Variants in RPS25 observed in about 807,000 individuals in gnomAD.
The protein encoded by RPS25 is ribosomal protein S25.
In RPS25, 1 loss-of-function variant was observed where a neutral mutation model predicts 14.4. That is an observed-to-expected ratio of 0.07 (90% CI 0.02 to 0.33). The LOEUF is 0.33. Ranked by LOEUF, RPS25 falls within the 10% of genes least tolerant of loss-of-function variation. RPS25 has a pLI of 1.00. For synonymous variants in RPS25, 63 were observed against 53.8 expected, an observed-to-expected ratio of 1.17 and a Z score of -0.75; for missense variants, 65 against 144.6, an observed-to-expected ratio of 0.45 and a Z score of 2.82.
Position 119,018,305 on chromosome 11 carries a change from A to C in RPS25, c.-21T>G. On this transcript the variant is annotated 5_prime_UTR_variant, in exon 1 of 5. Coordinates refer to ENST00000527673, the MANE Select transcript of RPS25 (RefSeq NM_001028.3). The stretch of plus-strand genomic sequence containing the variant: ...ACCATTGCGAAGCTCGGAGAATAGC[A>C]GCAGACACCGCAGCCTCGTCAAGAT... 1 of 1,614,166 alleles carries C rather than the reference A, an allele frequency of 6.2e-7. No homozygotes were observed. Among genetic ancestry groups the C allele is most frequent in the Non-Finnish European group, 8.5e-7 (1 of 1,180,022 alleles).
chr11:119,017,671 CAAA>C, intron 2 of RPS25, 126 bp from the exon 3 acceptor site: 1 of 898,524 alleles, frequency 1.1e-6, no homozygotes, highest in South Asian at 1.8e-5. Context: ...ATTACTAAAA[CAAA>C]AACAAAAAAA....
chr11:119,018,075 G>A (rs781985588), intron 1 of RPS25, 22 bp from the exon 2 acceptor site: 2 of 1,607,766 alleles, frequency 1.2e-6, no homozygotes, highest in Non-Finnish European at 1.7e-6. Flanking sequence ...CAGCGGGAAT[G>A]CAACCAGGTC....
chr11:119,017,302 G>T (rs781833158), intron 3 of RPS25, 60 bp downstream of exon 3: 5 of 1,280,800 alleles, frequency 3.9e-6, no homozygotes, highest in Admixed American at 2.4e-5. Flanking sequence ...CACTGAAGAT[G>T]CTTAACATGG....
At position 119,017,269 on chromosome 11, in the gene RPS25, T is replaced by A. The variant is rs116280143; in HGVS notation, c.283+93A>T. ...ATGGTCAAGCCACGCTTTTTTTTTT[T>A]AATTCTGCTTTTCCAGCAAAACCAC... On this transcript the variant is annotated intron_variant, in intron 3 of 4. Coordinates refer to ENST00000527673, the MANE Select transcript of RPS25 (RefSeq NM_001028.3). 3.4e-3 allele frequency: 3,189 copies of A among 947,928 alleles called. 73 individuals carry two copies. In the African/African-American group the frequency reaches 0.045, roughly 13 times the overall value. The allele number at this position is 947,928 out of a possible 1,614,324, so 58.7% of individuals were successfully genotyped here. A position where few individuals can be genotyped will look rare whatever the true frequency, so the allele number is the denominator to read the frequency against.
rs368443784 is a variant in RPS25, at chr11:119,018,323, G to C, written c.-39C>G. On this transcript the variant is annotated 5_prime_UTR_variant, in exon 1 of 5. Coordinates refer to ENST00000527673, the MANE Select transcript of RPS25 (RefSeq NM_001028.3). ...GAATAGCAGCAGACACCGCAGCCTC[G>C]TCAAGATGTCGGACAAAAAGGAAGC... The C allele has an allele frequency of 3.1e-6, 5 of 1,613,924 alleles. No individual in the cohort carries two copies. Among genetic ancestry groups the C allele is most frequent in the South Asian group, 1.1e-5 (1 of 91,088 alleles).
At chr11:119,016,762 C>T (rs1035936372) in intron 3 of RPS25, among the ~76,000 whole-genome samples, 2 of 151,874 alleles carry the variant, frequency 1.3e-5, no homozygotes, top group Non-Finnish European at 2.9e-5. Context: ...TCCTGAGTAG[C>T]TGGGATTACA....
At chr11:119,018,168 C>G (rs1943212510) in intron 1 of RPS25, 114 bp downstream of exon 1, 8 of 1,582,134 alleles carry the variant, frequency 5.1e-6, no homozygotes, top group Non-Finnish European at 6.1e-6. Flanking sequence ...CAAGCAATAA[C>G]CGCGCCCGCC....
chr11:119,016,047 G>A, intron 3 of RPS25, 108 bp from the exon 4 acceptor site: 1 of 684,804 alleles, frequency 1.5e-6, no homozygotes, highest in Non-Finnish European at 2.7e-6. Flanking sequence ...CACTGCTTTG[G>A]GAGGTGGAGA....
intron 3 of RPS25, among the ~76,000 whole-genome samples, chr11:119,016,187 C>A (rs576617301): frequency 6.6e-6 from 1 of 152,226 alleles, no homozygotes; most frequent in African/African-American, 2.4e-5. Context: ...ACTTGGGAAG[C>A]TGAGGTGAGG....
At chr11:119,017,926 C>T (rs782253284) in intron 2 of RPS25, 32 bp downstream of exon 2, 1 of 1,533,080 alleles carries the variant, frequency 6.5e-7, no homozygotes, top group African/African-American at 1.4e-5. Flanking sequence ...GAGAGTTACC[C>T]CTAGTCTCTT....
chr11:119,018,268 C>T lies in RPS25; in HGVS notation c.3+14G>A, dbSNP rs200669283. 3.7e-6 allele frequency: 6 copies of T among 1,614,146 alleles called. No homozygotes were observed. Among genetic ancestry groups the T allele is most frequent in the East Asian group, 2.2e-5 (1 of 44,888 alleles). ...ACCCAAGAACGCCGGCGACTTCACA[C>T]CCCTGAAGCTTACCATTGCGAAGCT... On this transcript the variant is annotated intron_variant, in intron 1 of 4. Coordinates refer to ENST00000527673, the MANE Select transcript of RPS25 (RefSeq NM_001028.3).
intron 2 of RPS25, 57 bp from the exon 3 acceptor site, chr11:119,017,602 C>CAAA: frequency 6.9e-7 from 1 of 1,449,896 alleles, no homozygotes; most frequent in East Asian, 2.3e-5. Context: ...GCACCCTTTC[C>CAAA]CTCTCGAGTA....
At position 119,018,066 on chromosome 11, in the gene RPS25, A is replaced by G; in HGVS notation, c.4-13T>C. Reference sequence around the variant, plus strand: ...CGTCCTTAGGCGGCTGTAGGAGGGCAGCGGGAATGCAACCAGGTCCTCAAA... The same window carrying G: ...CGTCCTTAGGCGGCTGTAGGAGGGCGGCGGGAATGCAACCAGGTCCTCAAA... On this transcript the variant is annotated splice_polypyrimidine_tract_variant and intron_variant, in intron 1 of 4. Transcript: ENST00000527673. 1 of 1,611,400 alleles carries G rather than the reference A, an allele frequency of 6.2e-7. No homozygotes were observed. The highest frequency in any genetic ancestry group is 2.2e-5 in the East Asian group (1 of 44,880).
chr11:119,016,577 G>A (rs950404238), intron 3 of RPS25, among the ~76,000 whole-genome samples: 2 of 151,382 alleles, frequency 1.3e-5, no homozygotes, highest in Non-Finnish European at 2.9e-5. Flanking sequence ...GAGAATCCTA[G>A]TTTTTAACGA....
At position 119,017,528 on chromosome 11, in the gene RPS25, T is replaced by C; in HGVS notation, c.117A>G (p.Lys39=). 1 of 1,614,052 alleles carries C rather than the reference T, an allele frequency of 6.2e-7. No individual in the cohort carries two copies. The highest frequency in any genetic ancestry group is 8.5e-7 in the Non-Finnish European group (1 of 1,179,960). Residue 39 remains lysine (K), a synonymous_variant, in exon 3 of 5, where the codon AAA becomes AAG. Coordinates refer to ENST00000527673, the MANE Select transcript of RPS25 (RefSeq NM_001028.3). ...KAKKKKWSKG[K]VRDKLNNLVL... Reference sequence around the variant, plus strand: ...CTAAGTTATTGAGCTTGTCCCGAACTTTGCCTTTGGACCACTTCTGCTCAC... The same window carrying C: ...CTAAGTTATTGAGCTTGTCCCGAACCTTGCCTTTGGACCACTTCTGCTCAC...
chr11:119,018,163 A>T (rs988270989), intron 1 of RPS25, 110 bp from the exon 2 acceptor site: 1 of 1,575,602 alleles, frequency 6.3e-7, no homozygotes, highest in African/African-American at 1.4e-5. Context: ...TGGGCCAAGC[A>T]ATAACCGCGC....
chr11:119,015,851 A>G lies in RPS25; in HGVS notation c.372T>C (p.Asp124=), dbSNP rs782804672. 2.5e-6 allele frequency: 4 copies of G among 1,597,638 alleles called. No individual in the cohort carries two copies. Among genetic ancestry groups the G allele is most frequent in the Non-Finnish European group, 2.6e-6 (3 of 1,165,002 alleles). Residue 124 remains aspartate, a synonymous_variant, in exon 4 of 5, where the codon GAT becomes GAC. Coordinates refer to ENST00000527673, the MANE Select transcript of RPS25 (RefSeq NM_001028.3). The part of the protein sequence containing the change: ...KGGDAPAAGE[D]A Reference sequence around the variant, plus strand: ...CACATTCCTACTCACCTATTCATGCATCTTCACCAGCAGCTGGAGCATCTC... The same window carrying G: ...CACATTCCTACTCACCTATTCATGCGTCTTCACCAGCAGCTGGAGCATCTC...
In RPS25 at chr11:119,017,473, G is replaced by C; in HGVS notation, c.172C>G (p.Leu58Val). The C allele has an allele frequency of 6.2e-7, 1 of 1,614,136 alleles. No homozygotes were observed. Among genetic ancestry groups the C allele is most frequent in the Non-Finnish European group, 8.5e-7 (1 of 1,179,992 alleles). ...VLFDKATYDK[L>V]CKEVPNYKLI... ...TTATAGTTGGGAACTTCCTTACAGAGTTTATCATAGGTAGCTTTGTCAAAC... is the reference window on the plus strand; with the variant it reads ...TTATAGTTGGGAACTTCCTTACAGACTTTATCATAGGTAGCTTTGTCAAAC... Residue 58 changes from leucine to valine, a missense_variant, in exon 3 of 5, where the codon CTC becomes GTC. Physicochemically the swap from Leu to Val is conservative, Grantham distance 32. Coordinates refer to ENST00000527673, the MANE Select transcript of RPS25 (RefSeq NM_001028.3).
rs782360649 is a variant in RPS25 at position 119,017,426 on chromosome 11, G to T, written c.219C>A (p.Val73=). ...AGCCTCGAATCTTCAGTCTCTCAGA[G>T]ACCACAGCTGGGGTTATAAGTTTAT... is the stretch of plus-strand genomic sequence containing the variant. ...PNYKLITPAV[V]SERLKIRGSL... Residue 73 remains valine (V), a synonymous_variant, in exon 3 of 5, where the codon GTC becomes GTA. Coordinates refer to ENST00000527673, the MANE Select transcript of RPS25 (RefSeq NM_001028.3). 3.1e-6 allele frequency: 5 copies of T among 1,614,038 alleles called. No individual in the cohort carries two copies. In the Admixed American group the frequency reaches 5.0e-5, roughly 16 times the overall value.
Sources: gnomAD v4.1 joint callset for allele counts (sites outside exome capture counted in the v4.1 genomes callset) on GRCh38, gnomAD v4.1.1 for gene constraint, MANE v1.5 for transcripts, NCBI Gene and HGNC (gene_info 2026-07-23, HGNC 2026-07-21) for gene names.